The following DPP10 variants were observed in gnomAD, a reference collection of about 807,000 sequenced individuals.
DPP10 encodes the protein inactive dipeptidyl peptidase 10.
Under a neutral mutation model 120.9 loss-of-function variants are expected in DPP10, and 33 were observed. The ratio of observed to expected loss-of-function variants is 0.27; its 90% CI spans 0.21 to 0.37. The LOEUF is 0.37. Among genes scored for constraint, DPP10 ranks in the 10% least tolerant of loss-of-function variants. DPP10 has a pLI of 1.00. For synonymous variants in DPP10, 337 were observed against 326.1 expected, an observed-to-expected ratio of 1.03 and a Z score of -0.36; for missense variants, 816 against 942.8, an observed-to-expected ratio of 0.87 and a Z score of 1.76.
chr2:114,891,501 C>T (rs143001926), intron 1 of DPP10, among the ~76,000 whole-genome samples: 143 of 152,234 alleles, frequency 9.4e-4, no homozygotes, highest in African/African-American at 1.3e-3. Flanking sequence ...TAAGTTTCAC[C>T]GCATTGAGAA....
chr2:115,455,315 T>C (rs2105010291), intron 3 of DPP10, among the ~76,000 whole-genome samples: 1 of 151,984 alleles, frequency 6.6e-6, no homozygotes, highest in Admixed American at 6.6e-5. Context: ...TGAGCTGGTT[T>C]AGAAATTTAT....
chr2:115,100,750 CA>C (rs1189862334), intron 1 of DPP10, among the ~76,000 whole-genome samples: 1 of 152,138 alleles, frequency 6.6e-6, no homozygotes, highest in Non-Finnish European at 1.5e-5. Context: ...ACCTGTGACA[CA>C]AAGATGTTCA....
rs576925859 is a variant in DPP10 at position 115,111,097 on chromosome 2, A to G, written c.61-198142A>G. Among the ~76,000 whole-genome samples the G allele has an allele frequency of 5.9e-5, 9 of 152,296 alleles. No individual in the cohort carries two copies. In the East Asian group the frequency reaches 1.4e-3, roughly 23 times the overall value. On this transcript the variant is annotated intron_variant, in intron 1 of 25. Coordinates refer to ENST00000410059, the MANE Select transcript of DPP10 (RefSeq NM_020868.6). ...CGCAATCCTATGGCACTAAAGTTCT[A>G]ATGCTCAAAAGATAATGTCCCAAGC...
chr2:114,803,776 G>A (rs1684475307), intron 1 of DPP10, among the ~76,000 whole-genome samples: 1 of 152,090 alleles, frequency 6.6e-6, no homozygotes. Context: ...TATAAGGGAA[G>A]CACAGCATAA....
intron 1 of DPP10, among the ~76,000 whole-genome samples, chr2:115,301,281 A>G (rs2061118077): frequency 6.6e-6 from 1 of 151,886 alleles, no homozygotes; most frequent in South Asian, 2.1e-4. Context: ...AAACTATGTT[A>G]CCCATCACAG....
intron 3 of DPP10, among the ~76,000 whole-genome samples, chr2:115,489,738 T>A (rs753318999): frequency 3.3e-5 from 5 of 151,950 alleles, no homozygotes; most frequent in African/African-American, 7.3e-5. Flanking sequence ...TATTTTGAAA[T>A]GGCCCCACAA....
intron 5 of DPP10, among the ~76,000 whole-genome samples, chr2:115,607,397 A>C (rs1008380163): frequency 6.6e-6 from 1 of 152,216 alleles, no homozygotes; most frequent in Non-Finnish European, 1.5e-5. Flanking sequence ...ATATTTACAC[A>C]GATATATAGG....
At chr2:115,391,502 C>A (rs574696411) in intron 3 of DPP10, among the ~76,000 whole-genome samples, 1 of 152,190 alleles carries the variant, frequency 6.6e-6, no homozygotes, top group East Asian at 1.9e-4. Context: ...TGGTGTCAGA[C>A]GAATCTGGAT....
At chr2:114,996,530 C>CA (rs1445809370) in intron 1 of DPP10, among the ~76,000 whole-genome samples, 2 of 151,838 alleles carry the variant, frequency 1.3e-5, no homozygotes, top group Non-Finnish European at 2.9e-5. Context: ...TAATTTAAAA[C>CA]ACATCAGGCA....
At chr2:115,027,469 T>G (rs2105218606) in intron 1 of DPP10, among the ~76,000 whole-genome samples, 1 of 152,276 alleles carries the variant, frequency 6.6e-6, no homozygotes, top group Admixed American at 6.5e-5. Context: ...CTCACTTGAC[T>G]TATTTCACCT....
chr2:115,689,796 T>C (rs372414376), intron 6 of DPP10, 44 bp from the exon 7 acceptor site: 70 of 1,610,462 alleles, frequency 4.3e-5, no homozygotes, highest in Non-Finnish European at 5.7e-5. Flanking sequence ...ATTGTTGGTG[T>C]AGATATCAGT....
chr2:114,604,566 C>T (rs963753902), intron 1 of DPP10, among the ~76,000 whole-genome samples: 5 of 152,056 alleles, frequency 3.3e-5, no homozygotes, highest in African/African-American at 9.7e-5. Flanking sequence ...TGGAAGAGCA[C>T]GCTGTGTATG....
At chr2:114,602,137 T>A (rs993385730) in intron 1 of DPP10, among the ~76,000 whole-genome samples, 4 of 151,934 alleles carry the variant, frequency 2.6e-5, no homozygotes, top group African/African-American at 9.7e-5. Context: ...ACCAATGGTA[T>A]TTTTTGTGGC....
intron 1 of DPP10, among the ~76,000 whole-genome samples, chr2:115,022,615 A>G (rs1161817103): frequency 2.0e-5 from 3 of 152,086 alleles, no homozygotes; most frequent in Admixed American, 6.6e-5. Flanking sequence ...CCATCAAAAT[A>G]CCACCATCGT....
intron 1 of DPP10, among the ~76,000 whole-genome samples, chr2:115,114,483 C>A (rs994955860): frequency 1.3e-5 from 2 of 152,074 alleles, no homozygotes; most frequent in East Asian, 3.9e-4. Flanking sequence ...AGAAAAAATT[C>A]TCATTTATCA....
intron 1 of DPP10, among the ~76,000 whole-genome samples, chr2:115,244,658 C>T (rs528359219): frequency 6.6e-6 from 1 of 151,902 alleles, no homozygotes; most frequent in East Asian, 1.9e-4. Flanking sequence ...CATTTTCATC[C>T]TGACAATGCT....
rs112377104 is a variant in DPP10, at chr2:115,528,913, G to C, written c.441+2941G>C. ...TGGGACAACAAGAGGGATCTTTGTG[G>C]AGATAGAAATGCTCTGTATCTTAAT... On this transcript the variant is annotated intron_variant, in intron 5 of 25. Coordinates refer to ENST00000410059, the MANE Select transcript of DPP10 (RefSeq NM_020868.6). 4.6e-3 allele frequency among the ~76,000 whole-genome samples: 707 copies of C among 152,124 alleles called. 8 individuals are homozygous for C. Among genetic ancestry groups the C allele is most frequent in the African/African-American group, 0.016 (672 of 41,516 alleles).
intron 19 of DPP10, among the ~76,000 whole-genome samples, chr2:115,801,775 G>T (rs556637636): frequency 0.018 from 2,769 of 152,218 alleles, 87 homozygotes; most frequent in African/African-American, 0.061. Flanking sequence ...GCATCCCAGG[G>T]ATGAAGCCCA....
intron 1 of DPP10, among the ~76,000 whole-genome samples, chr2:114,484,766 T>G (rs1681354553): frequency 6.6e-6 from 1 of 152,138 alleles, no homozygotes; most frequent in Non-Finnish European, 1.5e-5. Flanking sequence ...CATTGACATA[T>G]ATACAATCAT....
Sources: gnomAD v4.1 joint callset for allele counts (sites outside exome capture counted in the v4.1 genomes callset) on GRCh38, gnomAD v4.1.1 for gene constraint, MANE v1.5 for transcripts, NCBI Gene and HGNC (gene_info 2026-07-23, HGNC 2026-07-21) for gene names.